The following ZNF804A variants were observed in gnomAD, a reference collection of about 807,000 sequenced individuals.
The protein encoded by ZNF804A is zinc finger protein 804A.
ZNF804A carries 2 observed loss-of-function variants against 16.5 expected under a neutral mutation model. That is an observed-to-expected ratio of 0.12 (90% CI 0.05 to 0.38). ZNF804A has a LOEUF of 0.38. Ranked by LOEUF, ZNF804A falls within the 10% of genes least tolerant of loss-of-function variation. ZNF804A has a pLI of 0.99. For missense variants in ZNF804A, 1,473 were observed against 1,390.7 expected (o/e 1.06, Z -0.94); for synonymous variants, 534 against 489.6 (o/e 1.09, Z -1.20).
intron 1 of ZNF804A, among the ~76,000 whole-genome samples, chr2:184,724,511 A>G (rs1179721122): frequency 6.6e-6 from 1 of 151,650 alleles, no homozygotes; most frequent in Non-Finnish European, 1.5e-5. Context: ...TCACGGAAGC[A>G]TGAGAAATCT....
At chr2:184,876,997 C>T (rs1348755248) in intron 2 of ZNF804A, among the ~76,000 whole-genome samples, 1 of 151,982 alleles carries the variant, frequency 6.6e-6, no homozygotes, top group Non-Finnish European at 1.5e-5. Flanking sequence ...GTTTTTACCA[C>T]TAAAACTTTT....
intron 2 of ZNF804A, among the ~76,000 whole-genome samples, chr2:184,891,491 A>G (rs1303943331): frequency 6.6e-6 from 1 of 152,228 alleles, no homozygotes; most frequent in Non-Finnish European, 1.5e-5. Context: ...TTTGGAAATA[A>G]TAGAAAGAAA....
chr2:184,798,762 C>T (rs941882299), intron 1 of ZNF804A, among the ~76,000 whole-genome samples: 17 of 152,084 alleles, frequency 1.1e-4, no homozygotes, highest in South Asian at 2.1e-4. Context: ...TGGTTTGGAT[C>T]CATTGCTGGT....
At chr2:184,906,025 T>C (rs1685269259) in intron 2 of ZNF804A, among the ~76,000 whole-genome samples, 1 of 152,200 alleles carries the variant, frequency 6.6e-6, no homozygotes, top group Non-Finnish European at 1.5e-5. Flanking sequence ...TGGCCAATTC[T>C]CTTGGTTGGA....
chr2:184,665,082 A>T (rs1330606502), intron 1 of ZNF804A, among the ~76,000 whole-genome samples: 1 of 152,152 alleles, frequency 6.6e-6, no homozygotes, highest in Non-Finnish European at 1.5e-5. Flanking sequence ...TATTTCAGAG[A>T]TCTACATTAA....
chr2:184,705,156 G>A (rs961653109), intron 1 of ZNF804A, among the ~76,000 whole-genome samples: 2 of 152,156 alleles, frequency 1.3e-5, no homozygotes. Flanking sequence ...GGAGATTTCT[G>A]ATAGTTGCGA....
At chr2:184,923,093 A>G (rs1326584329) in intron 2 of ZNF804A, among the ~76,000 whole-genome samples, 4 of 151,964 alleles carry the variant, frequency 2.6e-5, no homozygotes, top group Non-Finnish European at 4.4e-5. Context: ...GAATAATATC[A>G]TTGGTATTTT....
At chr2:184,861,268 T>C (rs527345530) in intron 1 of ZNF804A, among the ~76,000 whole-genome samples, 4 of 152,330 alleles carry the variant, frequency 2.6e-5, no homozygotes, top group African/African-American at 9.6e-5. Context: ...AAGGGTGACA[T>C]AGGTAATGTA....
intron 2 of ZNF804A, among the ~76,000 whole-genome samples, chr2:184,888,603 T>C (rs945212242): frequency 4.6e-5 from 7 of 152,142 alleles, no homozygotes; most frequent in African/African-American, 1.7e-4. Context: ...TGCAGTGCCA[T>C]AAAGTTTAAA....
intron 1 of ZNF804A, among the ~76,000 whole-genome samples, chr2:184,644,657 A>T (rs1057111685): frequency 2.0e-5 from 3 of 152,020 alleles, no homozygotes; most frequent in African/African-American, 7.2e-5. Context: ...TTAAACTACT[A>T]TGTAAATGAA....
intron 1 of ZNF804A, among the ~76,000 whole-genome samples, chr2:184,727,954 T>C (rs1246458532): frequency 1.3e-5 from 2 of 151,712 alleles, no homozygotes; most frequent in African/African-American, 4.8e-5. Flanking sequence ...GCAAACACGG[T>C]CTGTGAATTG....
chr2:184,700,107 T>A (rs7585738), intron 1 of ZNF804A, among the ~76,000 whole-genome samples: 2 of 152,006 alleles, frequency 1.3e-5, no homozygotes, highest in African/African-American at 4.8e-5. Context: ...AGGTATTTGA[T>A]GTAATATTAT....
intron 1 of ZNF804A, among the ~76,000 whole-genome samples, chr2:184,769,180 A>G (rs1694174965): frequency 6.6e-6 from 1 of 152,066 alleles, no homozygotes; most frequent in Admixed American, 6.6e-5. Context: ...AATGACCTAT[A>G]GTAATTGCAC....
intron 1 of ZNF804A, among the ~76,000 whole-genome samples, chr2:184,711,283 CT>C (rs1205484436): frequency 6.6e-6 from 1 of 151,680 alleles, no homozygotes; most frequent in African/African-American, 2.4e-5. Context: ...TTTCATATAT[CT>C]GTTGACCATT....
chr2:184,706,028 TG>T (rs1351442593), intron 1 of ZNF804A, among the ~76,000 whole-genome samples: 1 of 152,164 alleles, frequency 6.6e-6, no homozygotes, highest in Non-Finnish European at 1.5e-5. Flanking sequence ...ACTATTCACA[TG>T]GGACACAAAC....
At chr2:184,846,526 C>T (rs1346184995) in intron 1 of ZNF804A, among the ~76,000 whole-genome samples, 1 of 152,122 alleles carries the variant, frequency 6.6e-6, no homozygotes, top group Middle Eastern at 3.4e-3. Flanking sequence ...TATATATGCA[C>T]TAGAATACAA....
At chr2:184,740,538 C>A (rs1022693001) in intron 1 of ZNF804A, among the ~76,000 whole-genome samples, 3 of 152,072 alleles carry the variant, frequency 2.0e-5, no homozygotes, top group Admixed American at 1.3e-4. Flanking sequence ...TCAAAATTAT[C>A]TTTCCCTGTG....
At chr2:184,811,554 T>G (rs548977490) in intron 1 of ZNF804A, among the ~76,000 whole-genome samples, 2 of 152,102 alleles carry the variant, frequency 1.3e-5, no homozygotes, top group Non-Finnish European at 2.9e-5. Flanking sequence ...TGGGATAGAA[T>G]TTAAATATTG....
At chr2:184,856,855 AT>A (rs1242929130) in intron 1 of ZNF804A, among the ~76,000 whole-genome samples, 1 of 152,118 alleles carries the variant, frequency 6.6e-6, no homozygotes, top group Non-Finnish European at 1.5e-5. Flanking sequence ...ATCTGAAAAA[AT>A]TTTAAGTCCA....
Sources: allele counts gnomAD v4.1 joint callset (sites outside exome capture counted in the v4.1 genomes callset), GRCh38; gene constraint gnomAD v4.1.1; transcripts MANE v1.5; gene names NCBI Gene and HGNC (gene_info 2026-07-23, HGNC 2026-07-21).